The following POLR2H variants were observed in gnomAD, a reference collection of about 807,000 sequenced individuals.
POLR2H encodes the protein DNA-directed RNA polymerases I, II, and III subunit RPABC3.
In POLR2H, 3 loss-of-function variants were observed where a neutral mutation model predicts 18.1. That is an observed-to-expected ratio of 0.17 (90% confidence interval 0.08 to 0.43). POLR2H has a LOEUF of 0.43. Among genes scored for constraint, POLR2H ranks in the 20% least tolerant of loss-of-function variants. The probability of loss-of-function intolerance (pLI) is 0.99; values close to 1 mark genes in which losing one functional copy is unlikely to be tolerated. For synonymous variants in POLR2H, 76 were observed against 69.0 expected, an observed-to-expected ratio of 1.10 and a Z score of -0.50; for missense variants, 103 against 184.6, an observed-to-expected ratio of 0.56 and a Z score of 2.56.
intron 5 of POLR2H, among the ~76,000 whole-genome samples, chr3:184,367,577 C>T (rs1462631445): frequency 6.6e-6 from 1 of 151,714 alleles, no homozygotes; most frequent in African/African-American, 2.4e-5. Flanking sequence ...AGCTCCGCCT[C>T]CCGGGTTCAC....
Position 184,363,249 on chromosome 3 carries a change from C to T in POLR2H, c.-244C>T, listed in dbSNP as rs1712566730. The T allele has an allele frequency of 3.5e-6, 2 of 570,138 alleles. No individual in the cohort carries two copies. Among genetic ancestry groups the T allele is most frequent in the Non-Finnish European group, 6.4e-6 (2 of 314,484 alleles). The allele number at this position is 570,138 out of a possible 1,614,324, so 35.3% of individuals were successfully genotyped here. ...AGAGCCACCTGGACATGAGACCCGC[C>T]CTCAATGCCGAAGCCTCTCGGAAGC... is the stretch of plus-strand genomic sequence containing the variant. On this transcript the variant is annotated 5_prime_UTR_variant, in exon 2 of 6. Coordinates refer to ENST00000456318, the MANE Select transcript of POLR2H (RefSeq NM_006232.5).
chr3:184,363,393 G>A lies in POLR2H; in HGVS notation c.-100G>A. 1.0e-6 allele frequency: 1 copy of A among 998,072 alleles called. No individual in the cohort carries two copies. Among genetic ancestry groups the A allele is most frequent in the Non-Finnish European group, 1.6e-6 (1 of 635,126 alleles). 61.8% of individuals were successfully genotyped at this position (998,072 alleles called of 1,614,324 possible). A position where few individuals can be genotyped will look rare whatever the true frequency, so the allele number is the denominator to read the frequency against. ...TCTGGCCGCCGCGCTTTCAGGAGGT[G>A]CTTTTGGTTCTCTCCGGTCTTGTCC... On this transcript the variant is annotated 5_prime_UTR_variant, in exon 2 of 6. Transcript: ENST00000456318.
intron 2 of POLR2H, 72 bp downstream of exon 2, chr3:184,363,637 C>T (rs1239437475): frequency 1.6e-6 from 2 of 1,233,740 alleles, no homozygotes; most frequent in East Asian, 4.7e-5. Flanking sequence ...GCCCCGTGTC[C>T]ACCCAGCTCT....
At position 184,366,796 on chromosome 3, in the gene POLR2H, C is replaced by T. The variant is rs750017949; in HGVS notation, c.331C>T (p.Arg111Cys). ...TGAAACTTCTACTGAAGCAGCAACA[C>T]GCCTGTAAGTTACGTAATCTTGTGA... ...GDETSTEAAT[R>C]LSAYVSYGGL... Residue 111 changes from arginine (R) to cysteine (C), a missense_variant, in exon 5 of 6, where the codon CGC becomes TGC. Coordinates refer to ENST00000456318, the MANE Select transcript of POLR2H (RefSeq NM_006232.5). 1.9e-6 allele frequency: 3 copies of T among 1,549,434 alleles called. No homozygotes were observed. The highest frequency in any genetic ancestry group is 2.7e-6 in the Non-Finnish European group (3 of 1,121,026).
rs1252614364 is a variant in POLR2H, at chr3:184,368,182, C to T, written c.341C>T (p.Ala114Val). The T allele has an allele frequency of 5.0e-6, 8 of 1,613,958 alleles. No homozygotes were observed. The highest frequency in any genetic ancestry group is 2.2e-5 in the East Asian group (1 of 44,890). Residue 114 changes from alanine (A) to valine (V), a missense_variant, in exon 6 of 6, where the codon GCG (alanine) becomes GTG (valine). By Grantham distance (64) the Ala-to-Val change is moderately conservative. Transcript: ENST00000456318. ...GATGGGGCCTTCTGTTTCAGCTCTG[C>T]GTACGTGTCCTATGGGGGCCTGCTC... ...TSTEAATRLS[A>V]YVSYGGLLMR... is the part of the protein sequence containing the mutation.
In POLR2H at chr3:184,363,568, A is replaced by AAGT; in HGVS notation, c.73+5_73+7dup. On this transcript the variant is annotated splice_donor_region_variant and intron_variant, in intron 2 of 5. Coordinates refer to ENST00000456318, the MANE Select transcript of POLR2H (RefSeq NM_006232.5). ...GGAGGGCAAGAAGTTTGACCGAGGT[A>AAGT]AGTAAGGTATGTAGGGGCGGTTTGG... 1 of 1,612,980 alleles carries AAGT rather than the reference A, an allele frequency of 6.2e-7. No individual in the cohort carries two copies. The highest frequency in any genetic ancestry group is 8.5e-7 in the Non-Finnish European group (1 of 1,179,042).
chr3:184,364,941 T>C (rs369618853), intron 2 of POLR2H, 25 bp from the exon 3 acceptor site: 7 of 1,529,964 alleles, frequency 4.6e-6, no homozygotes, highest in Non-Finnish European at 5.4e-6. Context: ...AATACCTCTG[T>C]CACTCTTTTC....
At position 184,363,424 on chromosome 3, in the gene POLR2H, A is replaced by T; in HGVS notation, c.-69A>T. 7.7e-7 allele frequency: 1 copy of T among 1,297,438 alleles called. No homozygotes were observed. 80.4% of individuals were successfully genotyped at this position (1,297,438 alleles called of 1,614,324 possible). A position where few individuals can be genotyped will look rare whatever the true frequency, so the allele number is the denominator to read the frequency against. ...GGTTCTCTCCGGTCTTGTCCACGCT[A>T]GGGGGTGCACGTACTCCCAACTGTG... On this transcript the variant is annotated 5_prime_UTR_variant, in exon 2 of 6. The change abolishes the stop of an existing upstream ORF in the 5' untranslated region. Coordinates refer to ENST00000456318, the MANE Select transcript of POLR2H (RefSeq NM_006232.5).
Position 184,368,299 on chromosome 3 carries a change from C to T in POLR2H, c.*5C>T, listed in dbSNP as rs367891397. The T allele has an allele frequency of 4.4e-4, 698 of 1,573,692 alleles. 1 individual carries two copies. The highest frequency in any genetic ancestry group is 2.8e-4 in the Non-Finnish European group (326 of 1,157,574). ...ATGAAGAAGCTAGCCTTCTGAACCTCGCCTGAAGCCAGCCTCTCTGCCAAG... is the reference window on the plus strand; with the variant it reads ...ATGAAGAAGCTAGCCTTCTGAACCTTGCCTGAAGCCAGCCTCTCTGCCAAG... On this transcript the variant is annotated 3_prime_UTR_variant, in exon 6 of 6. Coordinates refer to ENST00000456318, the MANE Select transcript of POLR2H (RefSeq NM_006232.5).
At chr3:184,364,619 GTTC>G (rs754517508) in intron 2 of POLR2H, 327 of 262,628 alleles carry the variant, frequency 1.2e-3, no homozygotes, top group Non-Finnish European at 1.9e-3. Context: ...ACGGATACCA[GTTC>G]TTATACATCT....
chr3:184,365,143 T>C lies in POLR2H; in HGVS notation c.168T>C (p.Phe56=), dbSNP rs11556518. The C allele has an allele frequency of 0.065, 103,972 of 1,611,486 alleles. 3,739 individuals are homozygous for C. The highest frequency in any genetic ancestry group is 0.13 in the East Asian group (5,990 of 44,844). The change falls in exon 4 of 6, where the codon TTT becomes TTC. Residue 56 remains phenylalanine, a synonymous_variant. Transcript: ENST00000456318. ...TGCTGTTATTTTCAGGTGACAAGTTTCGGTTGGTCATAGCTAGTACCTTGT... is the reference window on the plus strand; with the variant it reads ...TGCTGTTATTTTCAGGTGACAAGTTCCGGTTGGTCATAGCTAGTACCTTGT... The part of the protein sequence containing the change: ...QIYPVDLGDK[F]RLVIASTLYE...
Position 184,368,484 on chromosome 3 carries a change from A to C in POLR2H, c.*190A>C. 2.2e-6 allele frequency: 1 copy of C among 454,448 alleles called. No homozygotes were observed. The highest frequency in any genetic ancestry group is 3.9e-6 in the Non-Finnish European group (1 of 257,652). 28.2% of individuals were successfully genotyped at this position (454,448 alleles called of 1,614,324 possible). ...TGAAAGACACAGTGGGAGAGCTGAAAATGAATCAGAAGCTTTATGTATATG... is the reference window on the plus strand; with the variant it reads ...TGAAAGACACAGTGGGAGAGCTGAACATGAATCAGAAGCTTTATGTATATG... On this transcript the variant is annotated 3_prime_UTR_variant, in exon 6 of 6. Transcript: ENST00000456318.
Position 184,367,171 on chromosome 3 carries a change from G to GTGTT in POLR2H, c.335+371_335+372insTGTT, listed in dbSNP as rs1491302409. ...TGTGTGTGTGTGTGTGTGTGTGTGT[G>GTGTT]GCTACTCTGTAACCCAATCCCTAGT... On this transcript the variant is annotated intron_variant, in intron 5 of 5. Transcript: ENST00000456318. Among the ~76,000 whole-genome samples the GTGTT allele has an allele frequency of 1.2e-3, 104 of 85,172 alleles. 2 individuals carry two copies. In the South Asian group the frequency reaches 0.03, roughly 25 times the overall value. 55.9% of individuals were successfully genotyped at this position (85,172 alleles called of 152,430 possible).
rs780607994 is a variant in POLR2H at position 184,363,466 on chromosome 3, T to C, written c.-27T>C. On this transcript the variant is annotated 5_prime_UTR_variant, in exon 2 of 6. Coordinates refer to ENST00000456318, the MANE Select transcript of POLR2H (RefSeq NM_006232.5). ...CCAACTGTGGTCGCGCTCTCACCCCTTCTGCTGCTCTCGTGGCCCCCTCGC... is the reference window on the plus strand; with the variant it reads ...CCAACTGTGGTCGCGCTCTCACCCCCTCTGCTGCTCTCGTGGCCCCCTCGC... 5.6e-6 allele frequency: 9 copies of C among 1,604,206 alleles called. No individual in the cohort carries two copies. In the Middle Eastern group the frequency reaches 4.9e-4, roughly 88 times the overall value.
At chr3:184,365,436 G>A (rs1713064338) in intron 4 of POLR2H, 2 of 584,886 alleles carry the variant, frequency 3.4e-6, no homozygotes, top group Non-Finnish European at 6.1e-6. Context: ...CGAGGCAGGA[G>A]GATTGCTTGA....
chr3:184,366,900 C>G (rs900960591), intron 5 of POLR2H, 100 bp downstream of exon 5: 2 of 741,486 alleles, frequency 2.7e-6, no homozygotes, highest in Non-Finnish European at 4.9e-6. Context: ...CCTCAGGCAC[C>G]TCAGACCGAG....
In POLR2H at chr3:184,365,216, A is replaced by C; in HGVS notation, c.241A>C (p.Arg81=). Reference sequence around the variant, plus strand: ...TGGTGAATACAACCCCACTGATGATAGGCCTTCCAGGTGAGGGAGTGGAGA... The same window carrying C: ...TGGTGAATACAACCCCACTGATGATCGGCCTTCCAGGTGAGGGAGTGGAGA... ...DDGEYNPTDD[R]PSRADQFEYV... Residue 81 remains arginine (R), a synonymous_variant, in exon 4 of 6, where the codon AGG becomes CGG. Transcript: ENST00000456318. The C allele has an allele frequency of 6.3e-7, 1 of 1,597,498 alleles. No homozygotes were observed. The highest frequency in any genetic ancestry group is 2.2e-5 in the East Asian group (1 of 44,822).
intron 5 of POLR2H, among the ~76,000 whole-genome samples, 177 bp downstream of exon 5, chr3:184,366,977 G>A (rs1194174218): frequency 6.6e-6 from 1 of 152,192 alleles, no homozygotes; most frequent in East Asian, 1.9e-4. Context: ...CCCTTTGTCA[G>A]GCCCTCCTGG....
chr3:184,367,645 C>A (rs567061089), intron 5 of POLR2H, among the ~76,000 whole-genome samples: 2 of 152,118 alleles, frequency 1.3e-5, no homozygotes, highest in African/African-American at 4.8e-5. Context: ...CACCACCATG[C>A]CTGGCTAATT....
Sources: gnomAD v4.1 joint callset for allele counts (sites outside exome capture counted in the v4.1 genomes callset) on GRCh38, gnomAD v4.1.1 for gene constraint, MANE v1.5 for transcripts, NCBI Gene and HGNC (gene_info 2026-07-23, HGNC 2026-07-21) for gene names.